The following KDM6A variants were observed in gnomAD, a reference collection of about 807,000 sequenced individuals.
KDM6A encodes lysine-specific demethylase 6A.
KDM6A carries 11 observed loss-of-function variants against 117.6 expected under a neutral mutation model. That is an observed-to-expected ratio of 0.09 (90% CI 0.06 to 0.15). The LOEUF is 0.15. KDM6A is among the 10% of genes least tolerant of loss of function. The pLI is 1.00. For synonymous variants in KDM6A, 384 were observed against 396.1 expected (o/e 0.97, Z 0.36); for missense variants, 799 against 1,077.3 (o/e 0.74, Z 3.62).
chrX:45,085,195 T>C (rs1322606310), intron 24 of KDM6A, among the ~76,000 whole-genome samples: 1 of 111,767 alleles, frequency 8.9e-6, no homozygotes, highest in African/African-American at 3.3e-5. Flanking sequence ...TACCTTGTTA[T>C]GGGGTAAACA....
In KDM6A at chrX:44,963,499, C is replaced by CTG. The variant is rs796328734; in HGVS notation, c.334+2108_334+2109insGT. On this transcript the variant is annotated intron_variant, in intron 3 of 29. Transcript: ENST00000611820. ...TGTGTGTGTGTGTCTGTCTGTCTGT[C>CTG]TCTGTCTGTCTGTCTGTCTCTGTCT... 9.7e-4 allele frequency among the ~76,000 whole-genome samples: 79 copies of CTG among 81,104 alleles called. No individual in the cohort carries two copies. In the Middle Eastern group the frequency reaches 0.018, roughly 19 times the overall value. 70.4% of individuals were successfully genotyped at this position (81,104 alleles called of 115,157 possible). A position where few individuals can be genotyped will look rare whatever the true frequency, so the allele number is the denominator to read the frequency against.
chrX:44,971,146 C>T (rs2039321550), intron 3 of KDM6A, among the ~76,000 whole-genome samples: 1 of 111,758 alleles, frequency 8.9e-6, no homozygotes, highest in Admixed American at 9.5e-5. Flanking sequence ...TTTTTTTCTA[C>T]AGCTGGTTTG....
At position 45,063,615 on chromosome X, in the gene KDM6A, C is replaced by A. The variant is rs746400875; in HGVS notation, c.1877C>A (p.Ala626Glu). Reference sequence around the variant, plus strand: ...CCTTTGGCCAATGGACCCTTTTCTGCAGGCCATGTTCCCTGTAGCACATCA... The same window carrying A: ...CCTTTGGCCAATGGACCCTTTTCTGAAGGCCATGTTCCCTGTAGCACATCA... Reference protein sequence around the residue: ...GQPLANGPFSAGHVPCSTSRT... With the variant: ...GQPLANGPFSEGHVPCSTSRT... Residue 626 changes from alanine (A) to glutamate (E), a missense_variant, in exon 17 of 30, where the codon GCA becomes GAA. This residue lies in a region of KDM6A where 301 missense variants were observed against 318.3 expected (regional missense o/e 0.95). Transcript: ENST00000611820. 4.7e-5 allele frequency: 57 copies of A among 1,210,769 alleles called. No homozygotes were observed. Among genetic ancestry groups the A allele is most frequent in the Non-Finnish European group, 6.4e-5 (57 of 894,701 alleles).
chrX:44,876,877 GTACATATACATATATACACACGTA>G (rs1245505317), intron 2 of KDM6A, among the ~76,000 whole-genome samples: 1 of 110,142 alleles, frequency 9.1e-6, no homozygotes, highest in South Asian at 3.7e-4. Context: ...ATACACACGT[GTACATATACATATATACACACGTA>G]TACATATACG....
At chrX:45,082,430 G>T (rs948976423) in intron 21 of KDM6A, 146 bp from the exon 22 acceptor site, 1 of 465,205 alleles carries the variant, frequency 2.1e-6, no homozygotes, top group East Asian at 3.7e-5. Flanking sequence ...GTCAAACCTT[G>T]TCTCAAAAAA....
intron 5 of KDM6A, among the ~76,000 whole-genome samples, chrX:45,015,690 C>A (rs961552182): frequency 8.9e-6 from 1 of 111,826 alleles, no homozygotes; most frequent in Admixed American, 9.5e-5. Context: ...CATACTCTTA[C>A]ATTTCCATTG....
intron 10 of KDM6A, among the ~76,000 whole-genome samples, chrX:45,054,556 A>G (rs750617377): frequency 5.4e-5 from 6 of 112,101 alleles, no homozygotes; most frequent in African/African-American, 1.6e-4. Context: ...CTATTTATCC[A>G]TTGAATGTCT....
Position 45,063,567 on chromosome X carries a change from T to C in KDM6A, c.1829T>C (p.Val610Ala). 1.7e-6 allele frequency: 2 copies of C among 1,211,124 alleles called. No individual in the cohort carries two copies. Reference sequence around the variant, plus strand: ...GTGCCTAGCGTCTCTCAGCCTGGAGTCCGTCCTGCCTGCCCTGGGCAGCCT... The same window carrying C: ...GTGCCTAGCGTCTCTCAGCCTGGAGCCCGTCCTGCCTGCCCTGGGCAGCCT... ...TRVPSVSQPG[V>A]RPACPGQPLA... The change falls in exon 17 of 30, where the codon GTC (valine) becomes GCC (alanine). Residue 610 changes from valine (V) to alanine (A), a missense_variant. This residue lies in a region of KDM6A where 301 missense variants were observed against 318.3 expected (regional missense o/e 0.95). Transcript: ENST00000611820.
intron 4 of KDM6A, among the ~76,000 whole-genome samples, chrX:44,995,078 G>C (rs1289310877): frequency 8.9e-6 from 1 of 111,816 alleles, no homozygotes; most frequent in Non-Finnish European, 1.9e-5. Flanking sequence ...TAGTGGGACT[G>C]CTGGATCAAA....
At chrX:45,097,234 G>A (rs2046147530) in intron 27 of KDM6A, among the ~76,000 whole-genome samples, 1 of 110,013 alleles carries the variant, frequency 9.1e-6, no homozygotes, top group Non-Finnish European at 1.9e-5. Flanking sequence ...AGGAGAGAGA[G>A]GAAAAATAAC....
In KDM6A at chrX:44,914,848, A is replaced by G. The variant is rs764729701; in HGVS notation, c.225+40861A>G. Among the ~76,000 whole-genome samples the G allele has an allele frequency of 3.4e-4, 38 of 110,540 alleles. 1 individual carries two copies. Among genetic ancestry groups the G allele is most frequent in the Non-Finnish European group, 6.2e-4 (33 of 52,899 alleles). On this transcript the variant is annotated intron_variant, in intron 2 of 29. Transcript: ENST00000611820. ...CTTGGAACTGAGCATAATACTGGATACTCTTGTGAGAGTATGTCTGAAGTG... is the reference window on the plus strand; with the variant it reads ...CTTGGAACTGAGCATAATACTGGATGCTCTTGTGAGAGTATGTCTGAAGTG...
intron 2 of KDM6A, among the ~76,000 whole-genome samples, chrX:44,877,175 G>A (rs1371971435): frequency 4.5e-5 from 5 of 111,550 alleles, no homozygotes; most frequent in Non-Finnish European, 9.4e-5. Flanking sequence ...ATCGTCTCCC[G>A]AATGTTTTTG....
At chrX:44,984,110 G>A (rs1343494806) in intron 4 of KDM6A, among the ~76,000 whole-genome samples, 1 of 110,036 alleles carries the variant, frequency 9.1e-6, no homozygotes, top group East Asian at 2.8e-4. Flanking sequence ...ATTCTAACTG[G>A]TGTGAGATGG....
chrX:45,103,673 C>G (rs1479026847), intron 27 of KDM6A, among the ~76,000 whole-genome samples: 2 of 112,255 alleles, frequency 1.8e-5, no homozygotes, highest in Non-Finnish European at 3.8e-5. Flanking sequence ...TTCTATCGCT[C>G]TTTAAGCTTC....
rs889717521 is a variant in KDM6A, at chrX:45,030,494, T to C, written c.565-4437T>C. On this transcript the variant is annotated intron_variant, in intron 6 of 29. Coordinates refer to ENST00000611820, the MANE Select transcript of KDM6A (RefSeq NM_001291415.2). ...GTATCAGAACTGAGTTTTGAGGGCTTTGGGAGAACCTCAGTCAGATCATCT... is the reference window on the plus strand; with the variant it reads ...GTATCAGAACTGAGTTTTGAGGGCTCTGGGAGAACCTCAGTCAGATCATCT... Among the ~76,000 whole-genome samples, 7 of 107,355 alleles carry C rather than the reference T, an allele frequency of 6.5e-5. No individual in the cohort carries two copies. In the Admixed American group the frequency reaches 7.1e-4, roughly 11 times the overall value. The allele number at this position is 107,355 out of a possible 115,157, so 93.2% of individuals were successfully genotyped here.
At chrX:45,036,107 TTTTTTG>T (rs1016190728) in intron 7 of KDM6A, among the ~76,000 whole-genome samples, 1 of 111,347 alleles carries the variant, frequency 9.0e-6, no homozygotes, top group Non-Finnish European at 1.9e-5. Context: ...TGTAAGTTAC[TTTTTTG>T]TTTTTGTTTT....
At chrX:44,899,201 G>C (rs1207627712) in intron 2 of KDM6A, among the ~76,000 whole-genome samples, 2 of 93,263 alleles carry the variant, frequency 2.1e-5, no homozygotes, top group Admixed American at 2.4e-4. Context: ...GGGAGGGGGA[G>C]GAAGGGAGGG....
At chrX:45,002,324 ACT>A (rs1421610798) in intron 4 of KDM6A, among the ~76,000 whole-genome samples, 3 of 111,121 alleles carry the variant, frequency 2.7e-5, no homozygotes, top group African/African-American at 9.8e-5. Flanking sequence ...ATTTTTATAG[ACT>A]CTGTTTAACC....
intron 3 of KDM6A, among the ~76,000 whole-genome samples, chrX:44,971,311 A>G (rs1380115615): frequency 1.8e-5 from 2 of 111,978 alleles, no homozygotes; most frequent in African/African-American, 6.5e-5. Flanking sequence ...ACGTCCTTCC[A>G]GTGATAGGTT....
Sources: gnomAD v4.1 joint callset for allele counts (sites outside exome capture counted in the v4.1 genomes callset) on GRCh38, gnomAD v4.1.1 for gene constraint, gnomAD v4.1.1 regional missense constraint, MANE v1.5 for transcripts, NCBI Gene and HGNC (gene_info 2026-07-23, HGNC 2026-07-21) for gene names.